JCAD: variants seen among roughly 807,000 people sequenced by gnomAD.
JCAD encodes the protein junctional cadherin 5 associated.
A neutral mutation model predicts 98.0 loss-of-function variants in JCAD; 40 were observed. The ratio of observed to expected loss-of-function variants is 0.41; its 90% CI spans 0.32 to 0.53. The LOEUF is 0.53. JCAD is among the 20% of genes least tolerant of loss of function. The pLI is 0.31. For synonymous variants in JCAD, 691 were observed against 682.3 expected (o/e 1.01, Z -0.20); for missense variants, 1,705 against 1,738.1 (o/e 0.98, Z 0.34).
At chr10:30,072,330 A>G (rs1004774360) in intron 1 of JCAD, among the ~76,000 whole-genome samples, 1 of 152,086 alleles carries the variant, frequency 6.6e-6, no homozygotes, top group Non-Finnish European at 1.5e-5. Context: ...TAACATCCCC[A>G]TTTTCCAGAT....
At chr10:30,022,159 G>A (rs1395457028) in intron 3 of JCAD, among the ~76,000 whole-genome samples, 1 of 152,140 alleles carries the variant, frequency 6.6e-6, no homozygotes, top group Non-Finnish European at 1.5e-5. Flanking sequence ...TTCTTAACCA[G>A]AGGCATGAAA....
rs566885879 is a variant in JCAD, at chr10:30,028,564, A to T, written c.1584T>A (p.Asp528Glu). The change falls in exon 3 of 4, where the codon GAT becomes GAA. Residue 528 changes from aspartate (D) to glutamate (E), a missense_variant. Physicochemically the swap from Asp to Glu is conservative, Grantham distance 45 (BLOSUM62 2). This residue lies in a region of JCAD where 1,278 missense variants were observed against 1,243.1 expected (regional missense o/e 1.03). Transcript: ENST00000375377. ...TGTGCCCGTGCTGGCTGCCTCTCAC[A>T]TCAGGCCACTGTCCCCTTGCCACAC... Reference protein sequence around the residue: ...DRCVARGQWPDVRGSQHGHTG... With the variant: ...DRCVARGQWPEVRGSQHGHTG... The T allele has an allele frequency of 2.5e-4, 406 of 1,614,182 alleles. 3 individuals are homozygous for T. The South Asian group carries it at 4.2e-3, about 17-fold the overall frequency.
chr10:30,063,453 G>C (rs935019046), upstream of JCAD, among the ~76,000 whole-genome samples: 14 of 152,184 alleles, frequency 9.2e-5, no homozygotes, highest in African/African-American at 3.4e-4. Flanking sequence ...CTTACTGCCT[G>C]TTCAAGGACC....
At chr10:30,053,215 TG>T (rs1331706233) in intron 1 of JCAD, among the ~76,000 whole-genome samples, 1 of 147,782 alleles carries the variant, frequency 6.8e-6, no homozygotes, top group African/African-American at 2.5e-5. Context: ...GTATAAATGG[TG>T]GGGGGTGGGG....
chr10:30,059,440 A>G lies in JCAD; in HGVS notation c.-60+42T>C, dbSNP rs2132658292. On this transcript the variant is annotated intron_variant, in intron 1 of 3. Coordinates refer to ENST00000375377, the MANE Select transcript of JCAD (RefSeq NM_020848.4). This position sits in a 1 kb window ranked among gnomAD's most constrained non-coding sequence, Gnocchi z 5.0. ...CGCGAAGCGCCGTGGGAGCGGCCCT[A>G]ATGGACGGTGGGAGCCAGGAGGGTT... 1 of 151,618 alleles carries G rather than the reference A, an allele frequency of 6.6e-6. No homozygotes were observed. The highest frequency in any genetic ancestry group is 1.5e-5 in the Non-Finnish European group (1 of 67,812). 9.4% of individuals were successfully genotyped at this position (151,618 alleles called of 1,614,324 possible).
At chr10:30,098,992 A>C (rs1207260270) in intron 1 of JCAD, among the ~76,000 whole-genome samples, 2 of 152,086 alleles carry the variant, frequency 1.3e-5, no homozygotes, top group Admixed American at 6.5e-5. Context: ...CTCCTTATTT[A>C]CTTGCTACCA....
At chr10:30,087,421 G>A (rs1011402641) in intron 1 of JCAD, among the ~76,000 whole-genome samples, 33 of 151,962 alleles carry the variant, frequency 2.2e-4, no homozygotes, top group African/African-American at 6.5e-4. Flanking sequence ...CCTGGGTGAC[G>A]GAGAGAGACT....
In JCAD at chr10:30,026,905, G is replaced by A; in HGVS notation, c.3243C>T (p.Ser1081=). Residue 1081 remains serine, a synonymous_variant, in exon 3 of 4, where the codon TCC becomes TCT. Coordinates refer to ENST00000375377, the MANE Select transcript of JCAD (RefSeq NM_020848.4). Reference sequence around the variant, plus strand: ...GGATCCTTGCAGCCCTGGCTTGCAAGGACTCACCTGGGGGGATTTCTATTG... The same window carrying A: ...GGATCCTTGCAGCCCTGGCTTGCAAAGACTCACCTGGGGGGATTTCTATTG... ...ASTIEIPPGE[S]LQARAARILG... is the part of the protein sequence containing the mutation. 1 of 1,614,074 alleles carries A rather than the reference G, an allele frequency of 6.2e-7. No homozygotes were observed. The highest frequency in any genetic ancestry group is 8.5e-7 in the Non-Finnish European group (1 of 1,179,996).
chr10:30,046,986 C>T (rs1161100965), intron 2 of JCAD, among the ~76,000 whole-genome samples: 1 of 151,988 alleles, frequency 6.6e-6, no homozygotes, highest in East Asian at 1.9e-4. Flanking sequence ...ATTCGAGAGG[C>T]TGAGGTGGGA....
intron 1 of JCAD, among the ~76,000 whole-genome samples, chr10:30,102,052 C>T (rs1256156550): frequency 2.0e-5 from 3 of 152,202 alleles, no homozygotes; most frequent in Non-Finnish European, 4.4e-5. Flanking sequence ...CACTCCACAA[C>T]TCATCTCCCA....
intron 3 of JCAD, among the ~76,000 whole-genome samples, chr10:30,020,326 CAAAA>C (rs59762991): frequency 2.3e-4 from 19 of 83,056 alleles, no homozygotes; most frequent in South Asian, 4.9e-4. Flanking sequence ...GACTCGGTCT[CAAAA>C]AAAAAAAAAA....
rs1836559975 is a variant in JCAD at position 30,017,520 on chromosome 10, A to G, written c.*363T>C. ...AGCACACCATTCACAGGCCTTTCCAAAGCATTTGCTAGATCTTCCACATTG... is the reference window on the plus strand; with the variant it reads ...AGCACACCATTCACAGGCCTTTCCAGAGCATTTGCTAGATCTTCCACATTG... On this transcript the variant is annotated 3_prime_UTR_variant, in exon 4 of 4. Transcript: ENST00000375377. 1 of 340,732 alleles carries G rather than the reference A, an allele frequency of 2.9e-6. No individual in the cohort carries two copies. The allele number at this position is 340,732 out of a possible 1,614,324, so 21.1% of individuals were successfully genotyped here.
At chr10:30,046,190 C>CACT (rs1434562570) in intron 2 of JCAD, among the ~76,000 whole-genome samples, 1 of 152,144 alleles carries the variant, frequency 6.6e-6, no homozygotes, top group Non-Finnish European at 1.5e-5. Flanking sequence ...CCCAGTGCAG[C>CACT]ACTAAAGGCA....
intron 1 of JCAD, among the ~76,000 whole-genome samples, chr10:30,058,352 G>A (rs764610181): frequency 7.9e-5 from 12 of 152,094 alleles, no homozygotes; most frequent in Non-Finnish European, 1.6e-4. Context: ...GACACGGGAG[G>A]CGGGTGGAGT....
At position 30,059,308 on chromosome 10, in the gene JCAD, G is replaced by A. The variant is rs1295519876; in HGVS notation, c.-60+174C>T. Among the ~76,000 whole-genome samples the A allele has an allele frequency of 1.3e-5, 2 of 151,310 alleles. No homozygotes were observed. The highest frequency in any genetic ancestry group is 3.0e-5 in the Non-Finnish European group (2 of 67,680). ...GGCACCGCGCGGGGGGCCCAGGCGG[G>A]GCTGCGACTGGGGGTGCAGACATCC... is the stretch of plus-strand genomic sequence containing the variant. On this transcript the variant is annotated intron_variant, in intron 1 of 3. Transcript: ENST00000375377. This position sits in a 1 kb window ranked among gnomAD's most constrained non-coding sequence, Gnocchi z 5.0.
At chr10:30,088,310 T>G (rs1838198969) in intron 1 of JCAD, among the ~76,000 whole-genome samples, 1 of 152,112 alleles carries the variant, frequency 6.6e-6, no homozygotes, top group Admixed American at 6.6e-5. Flanking sequence ...GGGCAATCAT[T>G]TTCCCCATGG....
chr10:30,046,303 C>T (rs866000375), intron 2 of JCAD, among the ~76,000 whole-genome samples: 1 of 152,102 alleles, frequency 6.6e-6, no homozygotes, highest in African/African-American at 2.4e-5. Flanking sequence ...GGCAAGCTGC[C>T]GAAATTCTCT....
intron 1 of JCAD, among the ~76,000 whole-genome samples, chr10:30,081,827 A>G (rs892890374): frequency 2.6e-5 from 4 of 152,184 alleles, no homozygotes; most frequent in African/African-American, 7.2e-5. Flanking sequence ...AGCTGCCCCT[A>G]AAGGGATCAC....
At chr10:30,103,469 C>T (rs1327384500) in intron 1 of JCAD, among the ~76,000 whole-genome samples, 2 of 152,088 alleles carry the variant, frequency 1.3e-5, no homozygotes, top group African/African-American at 2.4e-5. Flanking sequence ...GATTCATACA[C>T]TTAAGAGTTG....
Sources: allele counts gnomAD v4.1 joint callset (sites outside exome capture counted in the v4.1 genomes callset), GRCh38; gene constraint gnomAD v4.1.1; regional missense constraint gnomAD v4.1.1; non-coding constraint Gnocchi (gnomAD v3.1); transcripts MANE v1.5; gene names NCBI Gene and HGNC (gene_info 2026-07-23, HGNC 2026-07-21).